TAB2: variants seen among roughly 807,000 people sequenced by gnomAD.
TAB2 encodes the protein TGF-beta activated kinase 1 (MAP3K7) binding protein 2.
A neutral mutation model predicts 65.0 loss-of-function variants in TAB2; 3 were observed. The ratio of observed to expected loss-of-function variants is 0.05; its 90% CI spans 0.02 to 0.12. The LOEUF is 0.12. TAB2 is among the 10% of genes least tolerant of loss of function. The pLI is 1.00. For missense variants in TAB2, 623 were observed against 840.3 expected (o/e 0.74, Z 3.20); for synonymous variants, 298 against 285.1 (o/e 1.05, Z -0.46).
At chr6:149,230,849 C>G (rs1777389715) in intron 1 of TAB2, among the ~76,000 whole-genome samples, 1 of 152,218 alleles carries the variant, frequency 6.6e-6, no homozygotes, top group Non-Finnish European at 1.5e-5. Context: ...TAGGAAATTA[C>G]AGTAAGTATT....
intron 1 of TAB2, among the ~76,000 whole-genome samples, chr6:149,256,303 A>G (rs963298152): frequency 3.9e-5 from 6 of 152,202 alleles, no homozygotes; most frequent in Admixed American, 6.5e-5. Flanking sequence ...AAGGAAATAT[A>G]TTAGAATTGT....
chr6:149,382,079 AG>A (rs1562444971), intron 3 of TAB2, among the ~76,000 whole-genome samples: 1 of 152,192 alleles, frequency 6.6e-6, no homozygotes. Flanking sequence ...TCAGAATAAA[AG>A]CTATGAAGCC....
At chr6:149,258,089 C>A (rs964756262) in intron 1 of TAB2, among the ~76,000 whole-genome samples, 3 of 152,290 alleles carry the variant, frequency 2.0e-5, no homozygotes, top group African/African-American at 7.2e-5. Flanking sequence ...GCCCGCTGGT[C>A]TGGATGCGGC....
chr6:149,380,978 C>T (rs1781586297), intron 3 of TAB2, among the ~76,000 whole-genome samples: 1 of 152,206 alleles, frequency 6.6e-6, no homozygotes, highest in Non-Finnish European at 1.5e-5. Context: ...CACAGTGGCA[C>T]CCGCCTGTAG....
chr6:149,409,449 C>T, intron 6 of TAB2, 128 bp from the exon 7 acceptor site: 2 of 793,966 alleles, frequency 2.5e-6, no homozygotes, highest in Non-Finnish European at 4.2e-6. Flanking sequence ...GTGTCAGTGT[C>T]AGCTAGATGC....
At chr6:149,383,188 A>G (rs1175359662) in intron 3 of TAB2, among the ~76,000 whole-genome samples, 1 of 152,008 alleles carries the variant, frequency 6.6e-6, no homozygotes, top group Non-Finnish European at 1.5e-5. Context: ...GGAAAGAAAG[A>G]ACTCTAAACA....
At chr6:149,310,576 T>A (rs34774820) in intron 1 of TAB2, among the ~76,000 whole-genome samples, 64,993 of 151,178 alleles carry the variant, frequency 0.43, 14,186 homozygotes, top group African/African-American at 0.53. Flanking sequence ...ATATTTTTTT[T>A]AAAATTGCAT....
intron 1 of TAB2, among the ~76,000 whole-genome samples, chr6:149,363,224 A>G (rs987862114): frequency 3.3e-5 from 5 of 152,138 alleles, no homozygotes; most frequent in African/African-American, 9.7e-5. Context: ...ATATATATAT[A>G]TGGGGTAGGC....
At chr6:149,296,185 G>A (rs926539057) in intron 1 of TAB2, among the ~76,000 whole-genome samples, 4 of 152,202 alleles carry the variant, frequency 2.6e-5, no homozygotes, top group East Asian at 1.9e-4. Flanking sequence ...GCTCCTGCCC[G>A]TGAGGGTCAG....
At chr6:149,401,588 T>C (rs1782413761) in intron 6 of TAB2, among the ~76,000 whole-genome samples, 1 of 152,008 alleles carries the variant, frequency 6.6e-6, no homozygotes, top group Non-Finnish European at 1.5e-5. Flanking sequence ...ACGACAGAAA[T>C]TGACAGCAAT....
rs1780206145 is a variant in TAB2, at chr6:149,343,829, CAG to C, written c.-90+25816_-90+25817del. 3.9e-5 allele frequency among the ~76,000 whole-genome samples: 6 copies of C among 152,222 alleles called. No homozygotes were observed. In the South Asian group the frequency reaches 1.2e-3, roughly 32 times the overall value. ...TTACCAATATATATAGATGTAGAAA[CAG>C]AATTAATCCCTGAAAGATGAGTTTA... On this transcript the variant is annotated intron_variant, in intron 1 of 6. Transcript: ENST00000637181.
In TAB2 at chr6:149,344,811, T is replaced by C. The variant is rs545166506; in HGVS notation, c.-89-25098T>C. Among the ~76,000 whole-genome samples, 42 of 152,312 alleles carry C rather than the reference T, an allele frequency of 2.8e-4. No homozygotes were observed. In the South Asian group the frequency reaches 8.7e-3, roughly 32 times the overall value. On this transcript the variant is annotated intron_variant, in intron 1 of 6. Coordinates refer to ENST00000637181, the MANE Select transcript of TAB2 (RefSeq NM_001292034.3). ...CTGTCAGGCATTGTGCAAAGAGTTTTACCTGCAGTTTCTCACTTAATCCTC... is the reference window on the plus strand; with the variant it reads ...CTGTCAGGCATTGTGCAAAGAGTTTCACCTGCAGTTTCTCACTTAATCCTC...
At chr6:149,404,513 T>C (rs771277188) in intron 6 of TAB2, among the ~76,000 whole-genome samples, 15 of 152,166 alleles carry the variant, frequency 9.9e-5, no homozygotes, top group Non-Finnish European at 1.9e-4. Flanking sequence ...GCTGGAGACA[T>C]CACATTCCCT....
At chr6:149,287,808 T>C (rs1436391356) in intron 1 of TAB2, among the ~76,000 whole-genome samples, 1 of 152,164 alleles carries the variant, frequency 6.6e-6, no homozygotes, top group African/African-American at 2.4e-5. Flanking sequence ...TTTGCTCAAG[T>C]GGATTCATAA....
At chr6:149,326,662 C>T (rs532544970) in intron 1 of TAB2, among the ~76,000 whole-genome samples, 1 of 152,130 alleles carries the variant, frequency 6.6e-6, no homozygotes, top group Non-Finnish European at 1.5e-5. Context: ...ATTCTCCTGC[C>T]TCAGCGTCCT....
intron 1 of TAB2, among the ~76,000 whole-genome samples, chr6:149,308,111 T>TAA (rs1347082813): frequency 1.3e-5 from 2 of 152,240 alleles, no homozygotes; most frequent in Non-Finnish European, 2.9e-5. Context: ...TTTAACTCAT[T>TAA]ACTTAGTAAG....
chr6:149,367,753 A>T (rs1265693794), intron 1 of TAB2, among the ~76,000 whole-genome samples: 1 of 152,118 alleles, frequency 6.6e-6, no homozygotes. Flanking sequence ...CTTTTTGTAT[A>T]TAAGCCAAGA....
chr6:149,397,811 A>C (rs747150895), intron 4 of TAB2, 47 bp downstream of exon 4: 1 of 1,604,928 alleles, frequency 6.2e-7, no homozygotes, highest in East Asian at 2.2e-5. Flanking sequence ...ACATGAGAGT[A>C]GGCCATCTAA....
chr6:149,328,733 A>G (rs546180673), intron 1 of TAB2, among the ~76,000 whole-genome samples: 1 of 152,304 alleles, frequency 6.6e-6, no homozygotes, highest in South Asian at 2.1e-4. Flanking sequence ...ATACAAACAC[A>G]TGTGATATAC....
Sources: allele counts gnomAD v4.1 joint callset (sites outside exome capture counted in the v4.1 genomes callset), GRCh38; gene constraint gnomAD v4.1.1; transcripts MANE v1.5; gene names NCBI Gene and HGNC (gene_info 2026-07-23, HGNC 2026-07-21).